ABHD17C: variants seen among roughly 807,000 people sequenced by gnomAD.
ABHD17C encodes abhydrolase domain containing 17C, depalmitoylase.
In ABHD17C, 11 loss-of-function variants were observed where a neutral mutation model predicts 27.9. The observed-to-expected ratio is 0.39, with a 90% CI of 0.25 to 0.65. ABHD17C has a LOEUF of 0.65. Ranked by LOEUF, ABHD17C falls within the 30% of genes least tolerant of loss-of-function variation. ABHD17C has a pLI of 0.45. For synonymous variants in ABHD17C, 233 were observed against 209.1 expected (o/e 1.11, Z -0.98); for missense variants, 280 against 470.2 (o/e 0.60, Z 3.74).
At chr15:80,709,227 G>A (rs575734734) in intron 1 of ABHD17C, among the ~76,000 whole-genome samples, 2 of 151,548 alleles carry the variant, frequency 1.3e-5, no homozygotes, top group African/African-American at 4.8e-5. Flanking sequence ...AGTGGCTCAC[G>A]CCTATAATCC....
chr15:80,739,865 C>T (rs925534824), intron 1 of ABHD17C, among the ~76,000 whole-genome samples: 2 of 147,610 alleles, frequency 1.4e-5, no homozygotes, highest in African/African-American at 5.0e-5. Context: ...CTGCTGAGTT[C>T]TCCCTAACTC....
intron 1 of ABHD17C, chr15:80,703,576 T>C (rs1045414652): frequency 1.7e-4 from 26 of 152,264 alleles, no homozygotes; most frequent in African/African-American, 6.0e-4. Flanking sequence ...ACAGTGGATC[T>C]CCACCTTAGC....
intron 1 of ABHD17C, 108 bp downstream of exon 1, chr15:80,696,127 G>T: frequency 1.7e-6 from 2 of 1,168,594 alleles, no homozygotes; most frequent in Non-Finnish European, 2.4e-6. Context: ...CCTCCTCCGG[G>T]GCTGAGGGCC....
chr15:80,696,965 A>G (rs949876528), intron 1 of ABHD17C, among the ~76,000 whole-genome samples: 2 of 152,356 alleles, frequency 1.3e-5, no homozygotes, highest in African/African-American at 2.4e-5. Context: ...GGCCATGTCT[A>G]TGATGAGATT....
At chr15:80,729,139 G>C (rs1009202433) in intron 1 of ABHD17C, among the ~76,000 whole-genome samples, 9 of 152,178 alleles carry the variant, frequency 5.9e-5, no homozygotes, top group Non-Finnish European at 8.8e-5. Context: ...GGTGCATTGT[G>C]GGTGCCTGAT....
Position 80,749,615 on chromosome 15 carries a change from C to G in ABHD17C, c.693C>G (p.Leu231=), listed in dbSNP as rs756406761. 6.2e-7 allele frequency: 1 copy of G among 1,613,992 alleles called. No homozygotes were observed. Among genetic ancestry groups the G allele is most frequent in the East Asian group, 2.2e-5 (1 of 44,878 alleles). Residue 231 remains leucine (L), a synonymous_variant, in exon 2 of 3, where the codon CTC becomes CTG. Coordinates refer to ENST00000258884, the MANE Select transcript of ABHD17C (RefSeq NM_021214.2). Reference sequence around the variant, plus strand: ...GGTATGAATGCGCAGCGGTAATTCTCCATTCCCCTCTGATGTCTGGTTTGC... The same window carrying G: ...GGTATGAATGCGCAGCGGTAATTCTGCATTCCCCTCTGATGTCTGGTTTGC... ...ASRYECAAVI[L]HSPLMSGLRV...
chr15:80,708,152 CTGG>C (rs898477048), intron 1 of ABHD17C, among the ~76,000 whole-genome samples: 1 of 152,182 alleles, frequency 6.6e-6, no homozygotes, highest in African/African-American at 2.4e-5. Flanking sequence ...ATCTGAATAT[CTGG>C]TCAGCCACAC....
Position 80,711,693 on chromosome 15 carries a change from G to A in ABHD17C, c.590+15674G>A, listed in dbSNP as rs529269490. Among the ~76,000 whole-genome samples, 70 of 152,278 alleles carry A rather than the reference G, an allele frequency of 4.6e-4. 1 individual carries two copies. The highest frequency in any genetic ancestry group is 1.6e-3 in the African/African-American group (68 of 41,568). On this transcript the variant is annotated intron_variant, in intron 1 of 2. Coordinates refer to ENST00000258884, the MANE Select transcript of ABHD17C (RefSeq NM_021214.2). Reference sequence around the variant, plus strand: ...ATGCCTCCTGCCTGTCTATTTTCCTGTATTTCCTCTCTGAACTGAAAATGG... The same window carrying A: ...ATGCCTCCTGCCTGTCTATTTTCCTATATTTCCTCTCTGAACTGAAAATGG...
intron 1 of ABHD17C, among the ~76,000 whole-genome samples, chr15:80,708,244 C>T (rs949759886): frequency 2.6e-5 from 4 of 152,090 alleles, no homozygotes; most frequent in Admixed American, 6.6e-5. Context: ...TAGCTTGTCC[C>T]GGAATTACTA....
chr15:80,728,427 A>C (rs569719391), intron 1 of ABHD17C, among the ~76,000 whole-genome samples: 151 of 152,300 alleles, frequency 9.9e-4, no homozygotes, highest in African/African-American at 3.5e-3. Flanking sequence ...ATGCTTTATC[A>C]CCTGGTGGGG....
At chr15:80,741,352 AT>A (rs920352841) in intron 1 of ABHD17C, among the ~76,000 whole-genome samples, 30 of 151,272 alleles carry the variant, frequency 2.0e-4, no homozygotes, top group African/African-American at 5.8e-4. Flanking sequence ...AACTAGCACA[AT>A]TTTTTTTTCT....
intron 2 of ABHD17C, among the ~76,000 whole-genome samples, chr15:80,749,932 C>T (rs546973889): frequency 6.6e-6 from 1 of 152,272 alleles, no homozygotes; most frequent in African/African-American, 2.4e-5. Context: ...AGTATACTGA[C>T]GCCTAGGGTT....
At chr15:80,710,852 C>T (rs571854575) in intron 1 of ABHD17C, among the ~76,000 whole-genome samples, 1 of 152,052 alleles carries the variant, frequency 6.6e-6, no homozygotes, top group African/African-American at 2.4e-5. Context: ...GCTGGGATTA[C>T]AGGCATGAGC....
chr15:80,742,457 G>T (rs951994387), intron 1 of ABHD17C, among the ~76,000 whole-genome samples: 9 of 152,230 alleles, frequency 5.9e-5, no homozygotes, highest in African/African-American at 2.2e-4. Flanking sequence ...AGAAGAGAGA[G>T]ATAATTTTCC....
At chr15:80,715,972 C>T (rs781718771) in intron 1 of ABHD17C, among the ~76,000 whole-genome samples, 5 of 152,088 alleles carry the variant, frequency 3.3e-5, no homozygotes, top group Non-Finnish European at 5.9e-5. Context: ...TGCTTGTGGA[C>T]ATTACTGTAA....
intron 1 of ABHD17C, among the ~76,000 whole-genome samples, chr15:80,722,028 G>A (rs1894903833): frequency 1.3e-5 from 2 of 151,998 alleles, no homozygotes; most frequent in Non-Finnish European, 2.9e-5. Flanking sequence ...CTAATTTTGA[G>A]TCGGAATCCT....
chr15:80,741,172 C>G (rs1272727683), intron 1 of ABHD17C, among the ~76,000 whole-genome samples: 2 of 152,056 alleles, frequency 1.3e-5, no homozygotes, highest in African/African-American at 4.8e-5. Context: ...TTAGACTCAG[C>G]TCCTGGAGGC....
At chr15:80,711,577 G>T (rs546898661) in intron 1 of ABHD17C, among the ~76,000 whole-genome samples, 8 of 152,176 alleles carry the variant, frequency 5.3e-5, no homozygotes, top group Non-Finnish European at 4.4e-5. Flanking sequence ...ACTCGGTGTG[G>T]ACTAGTGTTT....
chr15:80,715,256 G>T (rs1230020758), intron 1 of ABHD17C, among the ~76,000 whole-genome samples: 3 of 152,204 alleles, frequency 2.0e-5, no homozygotes, highest in Non-Finnish European at 4.4e-5. Context: ...TCACCATTTG[G>T]ATTGGGTGGT....
Sources: gnomAD v4.1 joint callset for allele counts (sites outside exome capture counted in the v4.1 genomes callset) on GRCh38, gnomAD v4.1.1 for gene constraint, MANE v1.5 for transcripts, NCBI Gene and HGNC (gene_info 2026-07-23, HGNC 2026-07-21) for gene names.